TFG: variants seen among roughly 807,000 people sequenced by gnomAD.
TFG encodes the protein protein TFG.
A neutral mutation model predicts 51.4 loss-of-function variants in TFG; 22 were observed. The ratio of observed to expected loss-of-function variants is 0.43; its 90% CI spans 0.31 to 0.61. TFG has a LOEUF of 0.61. Ranked by LOEUF, TFG falls within the 20% of genes least tolerant of loss-of-function variation. TFG has a pLI of 0.12. For missense variants in TFG, 419 were observed against 487.7 expected (o/e 0.86, Z 1.33); for synonymous variants, 187 against 165.6 (o/e 1.13, Z -0.99).
chr3:100,713,932 C>T, intron 2 of TFG, 63 bp downstream of exon 2: 1 of 1,008,662 alleles, frequency 9.9e-7, no homozygotes, highest in Non-Finnish European at 1.4e-6. Flanking sequence ...AAAGACAGAG[C>T]CTCTGTTGCC....
At chr3:100,740,483 A>C (rs2095118350) in intron 6 of TFG, among the ~76,000 whole-genome samples, 1 of 152,198 alleles carries the variant, frequency 6.6e-6, no homozygotes, top group Non-Finnish European at 1.5e-5. Context: ...GCCTGTCCTC[A>C]GAAATGTCAC....
chr3:100,740,071 A>G (rs1418685349), intron 6 of TFG, among the ~76,000 whole-genome samples: 1 of 152,128 alleles, frequency 6.6e-6, no homozygotes, highest in Non-Finnish European at 1.5e-5. Context: ...TGCATTGTTA[A>G]TGTGTCTTGA....
intron 3 of TFG, among the ~76,000 whole-genome samples, chr3:100,725,807 T>C (rs1338485277): frequency 6.6e-6 from 1 of 151,774 alleles, no homozygotes; most frequent in Admixed American, 6.6e-5. Context: ...AAAATATAAA[T>C]ACATATTAAG....
intron 2 of TFG, among the ~76,000 whole-genome samples, chr3:100,714,266 G>C (rs1454955515): frequency 6.6e-6 from 1 of 152,114 alleles, no homozygotes; most frequent in Admixed American, 6.5e-5. Flanking sequence ...TTGGGAGACC[G>C]AGGTAGGCGG....
chr3:100,732,385 T>C (rs1004402003), intron 4 of TFG, 123 bp from the exon 5 acceptor site: 2 of 582,528 alleles, frequency 3.4e-6, no homozygotes, highest in Non-Finnish European at 5.7e-6. Context: ...TAATCCTATA[T>C]TCCGACATGC....
chr3:100,723,259 C>T (rs2095065659), intron 3 of TFG, among the ~76,000 whole-genome samples: 1 of 151,318 alleles, frequency 6.6e-6, no homozygotes, highest in Non-Finnish European at 1.5e-5. Flanking sequence ...ACTACATATG[C>T]AGAAGTATGC....
At chr3:100,741,484 A>G (rs988437260) in intron 6 of TFG, among the ~76,000 whole-genome samples, 4 of 152,230 alleles carry the variant, frequency 2.6e-5, no homozygotes, top group African/African-American at 7.2e-5. Flanking sequence ...TAGTAGCACA[A>G]TGTACTTTAA....
chr3:100,724,926 C>T (rs1559711412), intron 3 of TFG, among the ~76,000 whole-genome samples: 1 of 152,110 alleles, frequency 6.6e-6, no homozygotes, highest in Non-Finnish European at 1.5e-5. Flanking sequence ...TTTTGTGAGG[C>T]AGAGTCTCTC....
At chr3:100,710,512 T>G (rs1392882205) in intron 1 of TFG, among the ~76,000 whole-genome samples, 2 of 152,210 alleles carry the variant, frequency 1.3e-5, no homozygotes, top group African/African-American at 2.4e-5. Context: ...TTGACTTGGC[T>G]TAGTATTTCT....
intron 6 of TFG, among the ~76,000 whole-genome samples, chr3:100,737,828 C>T (rs1268570433): frequency 6.6e-6 from 1 of 152,150 alleles, no homozygotes; most frequent in Non-Finnish European, 1.5e-5. Context: ...CCAGGAGGAT[C>T]ACTTGAGCCC....
chr3:100,715,873 A>G (rs1253218811), intron 2 of TFG, among the ~76,000 whole-genome samples: 1 of 152,006 alleles, frequency 6.6e-6, no homozygotes. Context: ...TGCCCAGCCT[A>G]CAATTCAGAT....
rs573376 is a variant in TFG, at chr3:100,748,798, C to T, written c.*267C>T. ...TGTATAAAGTGATTGACTTGACTTT[C>T]TAGCTTCCCTTGTCCGGAGGATATT... On this transcript the variant is annotated 3_prime_UTR_variant, in exon 8 of 8. Coordinates refer to ENST00000240851, the MANE Select transcript of TFG (RefSeq NM_006070.6). 1 of 369,088 alleles carries T rather than the reference C, an allele frequency of 2.7e-6. No homozygotes were observed. The highest frequency in any genetic ancestry group is 2.1e-5 in the African/African-American group (1 of 48,574). The allele number at this position is 369,088 out of a possible 1,614,324, so 22.9% of individuals were successfully genotyped here.
At chr3:100,732,831 A>T (rs2095095638) in intron 5 of TFG, among the ~76,000 whole-genome samples, 159 bp downstream of exon 5, 1 of 152,196 alleles carries the variant, frequency 6.6e-6, no homozygotes, top group Admixed American at 6.5e-5. Context: ...ACACTTATGT[A>T]AAAGACTAAC....
rs145957989 is a variant in TFG, at chr3:100,713,449, A to G, written c.-43-194A>G. Among the ~76,000 whole-genome samples the G allele has an allele frequency of 2.2e-4, 33 of 152,378 alleles. No homozygotes were observed. In the East Asian group the frequency reaches 6.2e-3, roughly 28 times the overall value. On this transcript the variant is annotated intron_variant, in intron 1 of 7. Coordinates refer to ENST00000240851, the MANE Select transcript of TFG (RefSeq NM_006070.6). The stretch of plus-strand genomic sequence containing the variant: ...GTTAAATATGAGAAAAAATAATAGT[A>G]GACGTAAAATAAAAGCTTATTTTAT...
chr3:100,711,364 G>A (rs1294276055), intron 1 of TFG, among the ~76,000 whole-genome samples: 2 of 152,166 alleles, frequency 1.3e-5, no homozygotes, highest in African/African-American at 2.4e-5. Context: ...GCCTCCCAAA[G>A]TGCTGGGATT....
chr3:100,725,142 G>C (rs1006371505), intron 3 of TFG, among the ~76,000 whole-genome samples: 2 of 152,024 alleles, frequency 1.3e-5, no homozygotes, highest in African/African-American at 4.8e-5. Flanking sequence ...TCCTGACCTT[G>C]TGATCTGCCT....
At chr3:100,735,003 A>G (rs2095102630) in intron 5 of TFG, among the ~76,000 whole-genome samples, 1 of 152,200 alleles carries the variant, frequency 6.6e-6, no homozygotes, top group East Asian at 1.9e-4. Context: ...AATATTACAA[A>G]CATGGAATGA....
rs1468380372 is a variant in TFG at position 100,720,058 on chromosome 3, G to A, written c.268G>A (p.Val90Ile). ...TAGGATACTGAAACTGACATTATTT[G>A]GTGAGTAGTAAACTTTCTAATGAAT... The part of the protein sequence containing the change: ...CSRILKLTLF[V>I]NGQPRPLESS... Residue 90 changes from valine (V) to isoleucine (I), a missense_variant and splice_region_variant, in exon 3 of 8, where the codon GTT (valine) becomes ATT (isoleucine). Physicochemically the swap from Val to Ile is conservative, Grantham distance 29. This residue lies in a region of TFG where 391 missense variants were observed against 434.4 expected (regional missense o/e 0.90). Transcript: ENST00000240851. The A allele has an allele frequency of 2.0e-6, 3 of 1,529,462 alleles. No individual in the cohort carries two copies. Among genetic ancestry groups the A allele is most frequent in the Non-Finnish European group, 2.7e-6 (3 of 1,131,764 alleles). The allele number at this position is 1,529,462 out of a possible 1,614,324, so 94.7% of individuals were successfully genotyped here.
In TFG at chr3:100,719,977, G is replaced by T; in HGVS notation, c.187G>T (p.Gly63Ter). 1.3e-6 allele frequency: 2 copies of T among 1,533,402 alleles called. No individual in the cohort carries two copies. Among genetic ancestry groups the T allele is most frequent in the East Asian group, 2.4e-5 (1 of 42,538 alleles). 95.0% of individuals were successfully genotyped at this position (1,533,402 alleles called of 1,614,324 possible). The change falls in exon 3 of 8, where the codon GGA (glycine) becomes TGA (stop). Residue 63 changes from glycine to a stop codon, truncating the protein, a stop_gained and splice_region_variant. Coordinates refer to ENST00000240851, the MANE Select transcript of TFG (RefSeq NM_006070.6). LOFTEE classifies it high-confidence loss of function. ...CCTTTTTTTTTTTTAAATTCCAGAT[G>T]GAGATCTTATAACAATTTTTGATAG... is the stretch of plus-strand genomic sequence containing the variant. ...EVTIKYKDED[G>*]DLITIFDSSD...
Sources: allele counts gnomAD v4.1 joint callset (sites outside exome capture counted in the v4.1 genomes callset), GRCh38; gene constraint gnomAD v4.1.1; regional missense constraint gnomAD v4.1.1; transcripts MANE v1.5; gene names NCBI Gene and HGNC (gene_info 2026-07-23, HGNC 2026-07-21).